IRGM: variants seen among roughly 807,000 people sequenced by gnomAD.
The protein encoded by IRGM is immunity-related GTPase family M protein.
For synonymous variants in IRGM, 98 were observed against 80.6 expected, an observed-to-expected ratio of 1.22 and a Z score of -1.16; for missense variants, 288 against 219.9, an observed-to-expected ratio of 1.31 and a Z score of -1.96.
At chr5:150,895,899 C>A (rs1364925313) in intron 3 of IRGM, 1 of 1,613,530 alleles carries the variant, frequency 6.2e-7, no homozygotes, top group East Asian at 2.2e-5. Flanking sequence ...TGTCTTCCTG[C>A]TGAAGGCTTC....
intron 1 of IRGM, among the ~76,000 whole-genome samples, chr5:150,860,423 G>A (rs1202621410): frequency 6.6e-6 from 1 of 152,172 alleles, no homozygotes; most frequent in Non-Finnish European, 1.5e-5. Context: ...TGGCACTGAT[G>A]CAACAGTGTT....
chr5:150,880,251 G>T (rs983024508), intron 3 of IRGM, among the ~76,000 whole-genome samples: 7 of 152,128 alleles, frequency 4.6e-5, no homozygotes, highest in African/African-American at 1.7e-4. Flanking sequence ...TATTCCTAAA[G>T]TGAGGGTCCT....
At chr5:150,861,650 T>C (rs1581643213) in intron 1 of IRGM, among the ~76,000 whole-genome samples, 1 of 152,164 alleles carries the variant, frequency 6.6e-6, no homozygotes, top group African/African-American at 2.4e-5. Context: ...TAGTCGCAGG[T>C]CTCTAGATTA....
At chr5:150,854,778 A>G (rs1221512766) in intron 1 of IRGM, among the ~76,000 whole-genome samples, 3 of 152,094 alleles carry the variant, frequency 2.0e-5, no homozygotes, top group African/African-American at 7.2e-5. Flanking sequence ...CAATTTGTCC[A>G]CTATGGGTCT....
At chr5:150,872,496 A>G (rs1754299787) in intron 1 of IRGM, among the ~76,000 whole-genome samples, 1 of 152,240 alleles carries the variant, frequency 6.6e-6, no homozygotes, top group Non-Finnish European at 1.5e-5. Flanking sequence ...GTGACCCACA[A>G]GGAGGTGTGC....
Position 150,882,787 on chromosome 5 carries a change from G to A in IRGM, c.*140+3141G>A, listed in dbSNP as rs572421870. Among the ~76,000 whole-genome samples the A allele has an allele frequency of 2.9e-4, 44 of 152,196 alleles. 1 individual carries two copies. Among genetic ancestry groups the A allele is most frequent in the African/African-American group, 7.0e-4 (29 of 41,538 alleles). On this transcript the variant is annotated intron_variant and NMD_transcript_variant, in intron 3 of 3. Transcript: ENST00000520549. ...AAAAATAGTAAAGGACTTCTCTACC[G>A]CAGCTTCAACAATGGACAGATTATC...
chr5:150,878,011 A>T (rs752005789), exon 2 of IRGM: 18 of 457,824 alleles, frequency 3.9e-5, no homozygotes, highest in Non-Finnish European at 8.8e-6. Context: ...TACCCAAACC[A>T]CAGCCACGTA....
chr5:150,880,749 C>A (rs145447718), intron 3 of IRGM, among the ~76,000 whole-genome samples: 1 of 152,260 alleles, frequency 6.6e-6, no homozygotes, highest in East Asian at 1.9e-4. Flanking sequence ...ATAAAGAGTA[C>A]CTCATGGAAG....
intron 3 of IRGM, chr5:150,897,204 G>A (rs1464179173): frequency 5.1e-6 from 2 of 395,332 alleles, no homozygotes; most frequent in Non-Finnish European, 8.9e-6. Context: ...TGAAAAAGTG[G>A]GGTCTCATCA....
chr5:150,852,777 G>A (rs1053565706), downstream of IRGM, among the ~76,000 whole-genome samples: 9 of 151,950 alleles, frequency 5.9e-5, no homozygotes, highest in African/African-American at 2.2e-4. Flanking sequence ...CTAGGAACAA[G>A]CAGAAGAATC....
intron 1 of IRGM, among the ~76,000 whole-genome samples, chr5:150,865,726 A>T (rs571968771): frequency 1.3e-5 from 2 of 152,220 alleles, no homozygotes; most frequent in Non-Finnish European, 2.9e-5. Context: ...CTAAGGGTGT[A>T]TAAGAAGGAA....
intron 1 of IRGM, among the ~76,000 whole-genome samples, chr5:150,864,871 A>T (rs1353305288): frequency 6.6e-6 from 1 of 151,732 alleles, no homozygotes; most frequent in African/African-American, 2.4e-5. Flanking sequence ...AGAGTCAGGG[A>T]GATAAAAATG....
At chr5:150,896,283 T>C in intron 3 of IRGM, 1 of 1,613,698 alleles carries the variant, frequency 6.2e-7, no homozygotes, top group Non-Finnish European at 8.5e-7. Flanking sequence ...CTCCCCAGTA[T>C]GAGTTCTCTG....
chr5:150,884,111 G>C (rs1754482564), intron 3 of IRGM, among the ~76,000 whole-genome samples: 1 of 151,564 alleles, frequency 6.6e-6, no homozygotes, highest in Non-Finnish European at 1.5e-5. Context: ...TCTATAATGT[G>C]ATATATCACA....
chr5:150,848,280 C>T lies in IRGM; in HGVS notation c.157C>T (p.Leu53Phe). ...GNGMSTFISA[L>F]RNTGHEGKAS... ...TGGGATGTCCACCTTCATCAGTGCCCTTCGAAACACAGGACATGAGGGTAA... is the reference window on the plus strand; with the variant it reads ...TGGGATGTCCACCTTCATCAGTGCCTTTCGAAACACAGGACATGAGGGTAA... The change falls in exon 2 of 2, where the codon CTT becomes TTT. Residue 53 changes from leucine (L) to phenylalanine (F), a missense_variant. Transcript: ENST00000522154. 2 of 1,551,786 alleles carry T rather than the reference C, an allele frequency of 1.3e-6. No homozygotes were observed. Among genetic ancestry groups the T allele is most frequent in the Non-Finnish European group, 1.7e-6 (2 of 1,146,982 alleles).
At position 150,848,150 on chromosome 5, in the gene IRGM, C is replaced by T. The variant is rs764528929; in HGVS notation, c.27C>T (p.Ala9=). The change falls in exon 2 of 2, where the codon GCC becomes GCT. Residue 9 remains alanine, a synonymous_variant. Coordinates refer to ENST00000522154, the MANE Select transcript of IRGM (RefSeq NM_001145805.2). ...TGGAAGCCATGAATGTTGAGAAAGC[C>T]TCAGCAGATGGGAACTTGCCAGAGG... The part of the protein sequence containing the change: MEAMNVEK[A]SADGNLPEVI... 116 of 1,548,648 alleles carry T rather than the reference C, an allele frequency of 7.5e-5. No homozygotes were observed. The highest frequency in any genetic ancestry group is 1.0e-4 in the Non-Finnish European group (114 of 1,144,972).
At position 150,863,599 on chromosome 5, in the gene IRGM, T is replaced by C. The variant is rs997757700; in HGVS notation, c.159-14381T>C. 3.9e-5 allele frequency among the ~76,000 whole-genome samples: 6 copies of C among 152,206 alleles called. No individual in the cohort carries two copies. The East Asian group carries it at 9.6e-4, about 24-fold the overall frequency. Reference sequence around the variant, plus strand: ...ACTAAGAATTTTAAATGAACAATTATAATTCTTCATAATACATAAATGCAT... The same window carrying C: ...ACTAAGAATTTTAAATGAACAATTACAATTCTTCATAATACATAAATGCAT... On this transcript the variant is annotated intron_variant and NMD_transcript_variant, in intron 1 of 3. Coordinates refer to the IRGM transcript ENST00000520549.
chr5:150,898,178 G>A, intron 3 of IRGM: 2 of 1,613,164 alleles, frequency 1.2e-6, no homozygotes, highest in South Asian at 2.2e-5. Flanking sequence ...TTTGGAAACT[G>A]GATACCCTAT....
chr5:150,867,683 G>C (rs1194881528), intron 1 of IRGM, among the ~76,000 whole-genome samples: 2 of 151,978 alleles, frequency 1.3e-5, no homozygotes, highest in African/African-American at 4.8e-5. Flanking sequence ...CCTTGCAGGA[G>C]TAAGATAGTA....
Sources: allele counts gnomAD v4.1 joint callset (sites outside exome capture counted in the v4.1 genomes callset), GRCh38; gene constraint gnomAD v4.1.1; transcripts MANE v1.5; gene names NCBI Gene and HGNC (gene_info 2026-07-23, HGNC 2026-07-21).